Variants in SLC9C2 observed in about 807,000 individuals in gnomAD.
SLC9C2 encodes the protein solute carrier family 9 member C2 (putative), also known as sodium/hydrogen exchanger 11.
A neutral mutation model predicts 140.2 loss-of-function variants in SLC9C2; 75 were observed. That is an observed-to-expected ratio of 0.53 (90% confidence interval 0.44 to 0.65). SLC9C2 has a LOEUF of 0.65. Ranked by LOEUF, SLC9C2 falls within the 30% of genes least tolerant of loss-of-function variation. SLC9C2 has a pLI of 0.00. For missense variants in SLC9C2, 1,074 were observed against 1,331.8 expected (o/e 0.81, Z 3.01); for synonymous variants, 375 against 420.9 (o/e 0.89, Z 1.34).
intron 7 of SLC9C2, among the ~76,000 whole-genome samples, chr1:173,581,417 C>T (rs1468138646): frequency 6.6e-6 from 1 of 152,110 alleles, no homozygotes; most frequent in Non-Finnish European, 1.5e-5. Context: ...TAAGAGCTGC[C>T]ATTTCTACAG....
chr1:173,556,682 C>T (rs1446042913), intron 10 of SLC9C2, among the ~76,000 whole-genome samples: 3 of 151,896 alleles, frequency 2.0e-5, no homozygotes, highest in East Asian at 1.9e-4. Context: ...GAGTGGAGGC[C>T]GAGACAGGTG....
rs1353657434 is a variant in SLC9C2 at position 173,527,976 on chromosome 1, A to G, written c.2314-1262T>C. On this transcript the variant is annotated intron_variant, in intron 18 of 27. Coordinates refer to ENST00000367714, the MANE Select transcript of SLC9C2 (RefSeq NM_178527.4). The stretch of plus-strand genomic sequence containing the variant: ...AAGGTGCCAAATTACTAGCCTGTCC[A>G]TGGCACCAACATATCCTAGCCCAGC... 3.3e-5 allele frequency among the ~76,000 whole-genome samples: 5 copies of G among 152,324 alleles called. No individual in the cohort carries two copies. In the East Asian group the frequency reaches 9.6e-4, roughly 29 times the overall value.
chr1:173,544,189 T>C (rs1662660276), intron 13 of SLC9C2, among the ~76,000 whole-genome samples: 1 of 152,072 alleles, frequency 6.6e-6, no homozygotes, highest in South Asian at 2.1e-4. Context: ...CATCAAAAAG[T>C]GGGCAAAGGA....
intron 19 of SLC9C2, among the ~76,000 whole-genome samples, chr1:173,526,288 A>G (rs1272287739): frequency 1.3e-5 from 2 of 152,220 alleles, no homozygotes; most frequent in African/African-American, 4.8e-5. Context: ...CAATGAAACA[A>G]AACCATTTTG....
intron 5 of SLC9C2, among the ~76,000 whole-genome samples, chr1:173,586,553 C>T (rs1439479925): frequency 6.6e-6 from 1 of 152,178 alleles, no homozygotes; most frequent in East Asian, 1.9e-4. Flanking sequence ...GAATATAAAT[C>T]ATTCTACTAT....
At chr1:173,537,216 C>T (rs935287119) in intron 13 of SLC9C2, among the ~76,000 whole-genome samples, 177 bp from the exon 14 acceptor site, 1 of 152,068 alleles carries the variant, frequency 6.6e-6, no homozygotes, top group Non-Finnish European at 1.5e-5. Context: ...ACAGAATACT[C>T]ATTTTTATAA....
rs190179495 is a variant in SLC9C2, at chr1:173,574,805, C to T, written c.903-1480G>A. 3.0e-3 allele frequency among the ~76,000 whole-genome samples: 460 copies of T among 152,070 alleles called. 6 individuals carry two copies. Among genetic ancestry groups the T allele is most frequent in the African/African-American group, 0.011 (436 of 41,452 alleles). On this transcript the variant is annotated intron_variant, in intron 8 of 27. Transcript: ENST00000367714. ...GATTACAGGCATGAGCCACCGCACC[C>T]GGCCTGAGTTAAATACTTTTAAAAA...
chr1:173,540,036 G>C (rs1170206754), intron 13 of SLC9C2, among the ~76,000 whole-genome samples: 1 of 152,130 alleles, frequency 6.6e-6, no homozygotes, highest in Non-Finnish European at 1.5e-5. Context: ...TAATAAAATG[G>C]GGGTAAAAGT....
chr1:173,576,916 G>C (rs149500793), intron 7 of SLC9C2, among the ~76,000 whole-genome samples, 156 bp from the exon 8 acceptor site: 1 of 152,264 alleles, frequency 6.6e-6, no homozygotes, highest in East Asian at 1.9e-4. Context: ...AGTAAACCTG[G>C]GGCTGGCAAA....
intron 7 of SLC9C2, among the ~76,000 whole-genome samples, chr1:173,580,052 C>T (rs1261115749): frequency 1.3e-5 from 2 of 152,184 alleles, no homozygotes; most frequent in East Asian, 3.8e-4. Context: ...AAAGCCGGCT[C>T]TTTTCTGCAA....
At chr1:173,535,420 C>T (rs1323875407) in intron 15 of SLC9C2, among the ~76,000 whole-genome samples, 2 of 152,058 alleles carry the variant, frequency 1.3e-5, no homozygotes, top group African/African-American at 2.4e-5. Context: ...ATTATTAAGG[C>T]CATGTTGTGT....
intron 21 of SLC9C2, among the ~76,000 whole-genome samples, chr1:173,522,574 TTAGA>T (rs1287897488): frequency 1.3e-5 from 2 of 152,166 alleles, no homozygotes; most frequent in Non-Finnish European, 2.9e-5. Flanking sequence ...AAAATTAGTT[TTAGA>T]TAGAGAAAAA....
rs141340022 is a variant in SLC9C2 at position 173,592,558 on chromosome 1, G to A, written c.358-4728C>T. Among the ~76,000 whole-genome samples, 159 of 152,158 alleles carry A rather than the reference G, an allele frequency of 1.0e-3. 1 individual carries two copies. The highest frequency in any genetic ancestry group is 3.8e-3 in the African/African-American group (158 of 41,500). On this transcript the variant is annotated intron_variant, in intron 4 of 27. Coordinates refer to ENST00000367714, the MANE Select transcript of SLC9C2 (RefSeq NM_178527.4). Reference sequence around the variant, plus strand: ...TTAGCAGTGTTTTGTAGTTCTCATTGTAGAGATCTTTCACCTCCCTGGTAA... The same window carrying A: ...TTAGCAGTGTTTTGTAGTTCTCATTATAGAGATCTTTCACCTCCCTGGTAA...
intron 4 of SLC9C2, 74 bp downstream of exon 4, chr1:173,597,830 A>C (rs1054839182): frequency 7.3e-7 from 1 of 1,377,480 alleles, no homozygotes; most frequent in Non-Finnish European, 9.8e-7. Flanking sequence ...TTAATCATCT[A>C]TATAGGCAGC....
At chr1:173,556,073 A>G (rs1218719664) in intron 10 of SLC9C2, among the ~76,000 whole-genome samples, 6 of 152,214 alleles carry the variant, frequency 3.9e-5, no homozygotes, top group Non-Finnish European at 7.3e-5. Context: ...CTACCTCCAG[A>G]TTCCTTGGTA....
At chr1:173,526,451 G>A (rs991887560) in intron 19 of SLC9C2, among the ~76,000 whole-genome samples, 12 of 151,950 alleles carry the variant, frequency 7.9e-5, no homozygotes, top group Admixed American at 2.0e-4. Context: ...CTATTGATAC[G>A]CTCATACACT....
At chr1:173,529,713 T>C (rs1661439744) in intron 18 of SLC9C2, among the ~76,000 whole-genome samples, 192 bp downstream of exon 18, 1 of 151,478 alleles carries the variant, frequency 6.6e-6, no homozygotes, top group South Asian at 2.1e-4. Flanking sequence ...ATAAATGAGT[T>C]TGATGATAAC....
intron 21 of SLC9C2, among the ~76,000 whole-genome samples, chr1:173,523,301 G>A (rs1465980507): frequency 6.6e-6 from 1 of 151,608 alleles, no homozygotes; most frequent in African/African-American, 2.4e-5. Context: ...GAACCCGGGA[G>A]GCGGAGGTTG....
chr1:173,549,947 T>C (rs957411114), intron 11 of SLC9C2, among the ~76,000 whole-genome samples: 1 of 152,130 alleles, frequency 6.6e-6, no homozygotes, highest in African/African-American at 2.4e-5. Flanking sequence ...AACCCACATA[T>C]TTTATCTTAA....
Sources: allele counts gnomAD v4.1 joint callset (sites outside exome capture counted in the v4.1 genomes callset), GRCh38; gene constraint gnomAD v4.1.1; transcripts MANE v1.5; gene names NCBI Gene and HGNC (gene_info 2026-07-23, HGNC 2026-07-21).